The following NXPH2 variants were observed in gnomAD, a reference collection of about 807,000 sequenced individuals.
NXPH2 encodes the protein neurexophilin-2.
In NXPH2, 5 loss-of-function variants were observed where a neutral mutation model predicts 19.8. The observed-to-expected ratio is 0.25, with a 90% CI of 0.13 to 0.53. The LOEUF (loss-of-function observed/expected upper bound fraction) is 0.53, where lower values mean the gene tolerates loss of function less well. NXPH2 is among the 20% of genes least tolerant of loss of function. The pLI, the probability that NXPH2 is intolerant of heterozygous loss-of-function variation, is 0.96. For missense variants in NXPH2, 289 were observed against 322.8 expected, an observed-to-expected ratio of 0.90 and a Z score of 0.80; for synonymous variants, 154 against 127.4, an observed-to-expected ratio of 1.21 and a Z score of -1.41.
At chr2:138,728,155 GCTCT>G (rs58409379) in intron 1 of NXPH2, among the ~76,000 whole-genome samples, 528 of 147,562 alleles carry the variant, frequency 3.6e-3, no homozygotes, top group African/African-American at 7.7e-3. Context: ...ACCAGAGTGC[GCTCT>G]CTCTCTCTCT....
In NXPH2 at chr2:138,780,232, G is replaced by A; in HGVS notation, c.10C>T (p.Arg4Trp). The A allele has an allele frequency of 2.7e-6, 4 of 1,458,838 alleles. No homozygotes were observed. The highest frequency in any genetic ancestry group is 1.8e-6 in the Non-Finnish European group (2 of 1,114,956). The allele number at this position is 1,458,838 out of a possible 1,614,324, so 90.4% of individuals were successfully genotyped here. A position where few individuals can be genotyped will look rare whatever the true frequency, so the allele number is the denominator to read the frequency against. ...GGGACCACCACGAGGGGCAGCGGCCGCAGGCGCATGGTGCCGGCTGGCGCG... is the reference window on the plus strand; with the variant it reads ...GGGACCACCACGAGGGGCAGCGGCCACAGGCGCATGGTGCCGGCTGGCGCG... The part of the protein sequence containing the change: MRL[R>W]PLPLVVVPGL... The change falls in exon 1 of 2, where the codon CGG (arginine) becomes TGG (tryptophan). Residue 4 changes from arginine (R) to tryptophan (W), a missense_variant. By Grantham distance (101) the Arg-to-Trp change is moderately radical. Coordinates refer to ENST00000272641, the MANE Select transcript of NXPH2 (RefSeq NM_007226.3).
chr2:138,754,601 T>C lies in NXPH2; in HGVS notation c.51+25590A>G, dbSNP rs192357536. On this transcript the variant is annotated intron_variant, in intron 1 of 1. Transcript: ENST00000272641. ...ATCTGTTTAACTATAGAAGCACAGC[T>C]TGTGTGCTTCCAGTTCTTTGTAATT... Among the ~76,000 whole-genome samples, 113 of 152,314 alleles carry C rather than the reference T, an allele frequency of 7.4e-4. 1 individual carries two copies. Among genetic ancestry groups the C allele is most frequent in the African/African-American group, 2.6e-3 (108 of 41,572 alleles).
chr2:138,731,380 T>C (rs940663896), intron 1 of NXPH2, among the ~76,000 whole-genome samples: 1 of 152,094 alleles, frequency 6.6e-6, no homozygotes, highest in African/African-American at 2.4e-5. Context: ...TCTTGCCAGC[T>C]CTAATCTAGT....
intron 1 of NXPH2, among the ~76,000 whole-genome samples, chr2:138,718,726 T>G (rs990473789): frequency 6.6e-6 from 1 of 152,220 alleles, no homozygotes; most frequent in Admixed American, 6.6e-5. Flanking sequence ...TATTTAATTC[T>G]CTATAAATCC....
At chr2:138,696,647 G>A (rs1232505915) in intron 1 of NXPH2, among the ~76,000 whole-genome samples, 1 of 152,116 alleles carries the variant, frequency 6.6e-6, no homozygotes, top group Non-Finnish European at 1.5e-5. Flanking sequence ...TACATTGTTG[G>A]TGGGAAAATA....
At chr2:138,779,402 A>C in intron 1 of NXPH2, among the ~76,000 whole-genome samples, 1 of 152,124 alleles carries the variant, frequency 6.6e-6, no homozygotes, top group South Asian at 2.1e-4. Context: ...GGAGGAGGAG[A>C]GCGTGGCGCC....
At chr2:138,721,044 TAA>T (rs1399909800) in intron 1 of NXPH2, among the ~76,000 whole-genome samples, 1 of 152,142 alleles carries the variant, frequency 6.6e-6, no homozygotes, top group Non-Finnish European at 1.5e-5. Flanking sequence ...ATTGTGAAAT[TAA>T]AAGTTGCCAG....
intron 1 of NXPH2, among the ~76,000 whole-genome samples, chr2:138,734,964 T>C (rs989398990): frequency 7.2e-5 from 11 of 152,134 alleles, no homozygotes; most frequent in Non-Finnish European, 1.5e-4. Flanking sequence ...TTAGGGGCCA[T>C]CAGTCTATAA....
At chr2:138,725,215 G>A (rs144195434) in intron 1 of NXPH2, among the ~76,000 whole-genome samples, 354 of 152,308 alleles carry the variant, frequency 2.3e-3, no homozygotes, top group African/African-American at 7.6e-3. Context: ...AAAATGTGCA[G>A]TTATTGAAGT....
chr2:138,768,222 C>T (rs1001261734), intron 1 of NXPH2, among the ~76,000 whole-genome samples: 1 of 151,786 alleles, frequency 6.6e-6, no homozygotes, highest in African/African-American at 2.4e-5. Context: ...TCCTTTTTTT[C>T]CTGATGATTT....
intron 1 of NXPH2, among the ~76,000 whole-genome samples, chr2:138,747,532 A>G (rs1409764169): frequency 1.3e-5 from 2 of 152,184 alleles, no homozygotes; most frequent in Admixed American, 6.5e-5. Context: ...CCCTCATGGT[A>G]TTAATGGATA....
chr2:138,753,971 T>A (rs1681863052), intron 1 of NXPH2, among the ~76,000 whole-genome samples: 1 of 152,102 alleles, frequency 6.6e-6, no homozygotes, highest in Admixed American at 6.6e-5. Context: ...CCCCTCCCTA[T>A]CCTCTTCAGT....
intron 1 of NXPH2, among the ~76,000 whole-genome samples, chr2:138,702,559 T>A (rs948420692): frequency 6.6e-6 from 1 of 152,118 alleles, no homozygotes; most frequent in African/African-American, 2.4e-5. Flanking sequence ...AGATTCAAAA[T>A]TTTTCTTGAG....
Position 138,780,303 on chromosome 2 carries a change from A to C in NXPH2, c.-62T>G. 1 of 1,340,872 alleles carries C rather than the reference A, an allele frequency of 7.5e-7. No homozygotes were observed. Among genetic ancestry groups the C allele is most frequent in the Non-Finnish European group, 9.7e-7 (1 of 1,035,872 alleles). 83.1% of individuals were successfully genotyped at this position (1,340,872 alleles called of 1,614,324 possible). ...CCTCGCCTGCCTCTCGCGCATCTCC[A>C]CTTCGCGGGGCAGGACTGAGGACGC... On this transcript the variant is annotated 5_prime_UTR_variant, in exon 1 of 2. Transcript: ENST00000272641.
At chr2:138,740,833 G>A (rs1681631582) in intron 1 of NXPH2, among the ~76,000 whole-genome samples, 1 of 151,462 alleles carries the variant, frequency 6.6e-6, no homozygotes, top group Non-Finnish European at 1.5e-5. Context: ...TATTAGGTAT[G>A]AAATGGTATG....
chr2:138,670,900 C>G lies in NXPH2; in HGVS notation c.*22G>C. 1 of 1,599,646 alleles carries G rather than the reference C, an allele frequency of 6.3e-7. No individual in the cohort carries two copies. Among genetic ancestry groups the G allele is most frequent in the Non-Finnish European group, 8.5e-7 (1 of 1,172,074 alleles). On this transcript the variant is annotated 3_prime_UTR_variant, in exon 2 of 2. Transcript: ENST00000272641. ...TCTAATCAAATACATATGTATCCCTCATTTCCACCACAGCAGGAAGATCAG... is the reference window on the plus strand; with the variant it reads ...TCTAATCAAATACATATGTATCCCTGATTTCCACCACAGCAGGAAGATCAG...
At chr2:138,777,287 G>A (rs1382443445) in intron 1 of NXPH2, among the ~76,000 whole-genome samples, 1 of 151,910 alleles carries the variant, frequency 6.6e-6, no homozygotes, top group Non-Finnish European at 1.5e-5. Context: ...GATATAACAT[G>A]CTCTTAATAT....
chr2:138,772,013 C>G (rs114613601), intron 1 of NXPH2, among the ~76,000 whole-genome samples: 3,440 of 152,300 alleles, frequency 0.023, 62 homozygotes, highest in Non-Finnish European at 0.032. Flanking sequence ...AAATTCTACA[C>G]AAGTCTGGGC....
chr2:138,692,733 G>A (rs1680763362), intron 1 of NXPH2, among the ~76,000 whole-genome samples: 1 of 152,118 alleles, frequency 6.6e-6, no homozygotes. Context: ...ATTTTAAAAT[G>A]TGTGTGCCTC....
Sources: allele counts gnomAD v4.1 joint callset (sites outside exome capture counted in the v4.1 genomes callset), GRCh38; gene constraint gnomAD v4.1.1; transcripts MANE v1.5; gene names NCBI Gene and HGNC (gene_info 2026-07-23, HGNC 2026-07-21).